The following MAGI1 variants were observed in gnomAD, a reference collection of about 807,000 sequenced individuals.
The protein encoded by MAGI1 is membrane associated guanylate kinase, WW and PDZ domain containing 1.
A neutral mutation model predicts 139.9 loss-of-function variants in MAGI1; 58 were observed. The ratio of observed to expected loss-of-function variants is 0.41; its 90% CI spans 0.34 to 0.52. MAGI1 has a LOEUF of 0.52. Among genes scored for constraint, MAGI1 ranks in the 20% least tolerant of loss-of-function variants. MAGI1 has a pLI of 0.12. For missense variants in MAGI1, 1,874 were observed against 1,901.6 expected (o/e 0.99, Z 0.27); for synonymous variants, 812 against 737.9 (o/e 1.10, Z -1.63).
intron 1 of MAGI1, among the ~76,000 whole-genome samples, chr3:65,723,637 G>A (rs566027388): frequency 1.1e-4 from 16 of 152,280 alleles, no homozygotes; most frequent in African/African-American, 3.9e-4. Context: ...AACATCAGTC[G>A]ACACAGATAA....
At chr3:66,028,050 A>G (rs932138587) in intron 1 of MAGI1, among the ~76,000 whole-genome samples, 2 of 152,192 alleles carry the variant, frequency 1.3e-5, no homozygotes, top group African/African-American at 4.8e-5. Context: ...CATGCCTGTA[A>G]TCCCAGCACT....
chr3:65,542,633 A>T (rs1159075535), intron 2 of MAGI1, among the ~76,000 whole-genome samples: 1 of 152,156 alleles, frequency 6.6e-6, no homozygotes. Context: ...GACAAACCTG[A>T]CAAAAACACA....
chr3:65,819,568 A>G (rs980343524), intron 1 of MAGI1, among the ~76,000 whole-genome samples: 2 of 151,928 alleles, frequency 1.3e-5, no homozygotes, highest in African/African-American at 4.8e-5. Flanking sequence ...AATCCACCCC[A>G]GCATTAAGGC....
In MAGI1 at chr3:65,637,243, A is replaced by G. The variant is rs191273273; in HGVS notation, c.314-15155T>C. On this transcript the variant is annotated intron_variant, in intron 1 of 22. Transcript: ENST00000402939. ...CTTTCTTATTTTTCTTTTAGAGCAA[A>G]GAGCATATTAGAAAAAAAAATATTG... 7.2e-5 allele frequency among the ~76,000 whole-genome samples: 11 copies of G among 152,200 alleles called. No individual in the cohort carries two copies. The East Asian group carries it at 1.7e-3, about 24-fold the overall frequency.
At chr3:65,361,776 T>C (rs964535640) in intron 21 of MAGI1, among the ~76,000 whole-genome samples, 2 of 152,330 alleles carry the variant, frequency 1.3e-5, no homozygotes, top group African/African-American at 4.8e-5. Context: ...ACTTGCCCTC[T>C]TTTCTTCTCT....
intron 9 of MAGI1, among the ~76,000 whole-genome samples, chr3:65,439,441 A>C (rs1948084119): frequency 6.6e-6 from 1 of 152,110 alleles, no homozygotes; most frequent in Admixed American, 6.5e-5. Flanking sequence ...TTAGTCTGTA[A>C]TTTTTAAAAG....
intron 1 of MAGI1, among the ~76,000 whole-genome samples, chr3:66,029,058 T>G (rs2068456776): frequency 6.6e-6 from 1 of 152,164 alleles, no homozygotes; most frequent in Non-Finnish European, 1.5e-5. Context: ...GGTATCATTA[T>G]TATCCCCATT....
chr3:65,915,326 C>A (rs570372767), intron 1 of MAGI1, among the ~76,000 whole-genome samples: 1 of 152,186 alleles, frequency 6.6e-6, no homozygotes, highest in African/African-American at 2.4e-5. Context: ...AAGCATAAAT[C>A]CAAACACCAA....
intron 1 of MAGI1, among the ~76,000 whole-genome samples, chr3:65,681,586 T>C (rs2087594877): frequency 6.6e-6 from 1 of 152,224 alleles, no homozygotes; most frequent in Non-Finnish European, 1.5e-5. Flanking sequence ...AGATAACCCC[T>C]GAAAACTTTC....
At chr3:65,985,659 T>C (rs775952405) in intron 1 of MAGI1, among the ~76,000 whole-genome samples, 14 of 152,346 alleles carry the variant, frequency 9.2e-5, no homozygotes, top group Non-Finnish European at 1.0e-4. Flanking sequence ...CAGTATTTGA[T>C]GGTTTATTTA....
At chr3:65,374,449 C>T (rs1387983526) in intron 18 of MAGI1, among the ~76,000 whole-genome samples, 1 of 151,322 alleles carries the variant, frequency 6.6e-6, no homozygotes, top group African/African-American at 2.4e-5. Flanking sequence ...TCCCAAGTAG[C>T]TGGGACTACA....
intron 13 of MAGI1, among the ~76,000 whole-genome samples, chr3:65,395,192 C>A (rs1944283061): frequency 6.6e-6 from 1 of 152,082 alleles, no homozygotes; most frequent in Non-Finnish European, 1.5e-5. Flanking sequence ...ATAGATGGTA[C>A]CTGAGCTCTT....
At chr3:65,866,507 A>C (rs185409395) in intron 1 of MAGI1, among the ~76,000 whole-genome samples, 2 of 152,280 alleles carry the variant, frequency 1.3e-5, no homozygotes, top group Admixed American at 1.3e-4. Context: ...ACGACTATTC[A>C]TAATCCCTCC....
intron 1 of MAGI1, among the ~76,000 whole-genome samples, chr3:65,796,050 C>CAAAAAAAAAAAA (rs35663778): frequency 1.9e-5 from 2 of 103,028 alleles, no homozygotes; most frequent in East Asian, 2.6e-4. Context: ...GACTCTGTCT[C>CAAAAAAAAAAAA]AAAAAAAAAA....
At chr3:65,826,002 T>C (rs918601310) in intron 1 of MAGI1, among the ~76,000 whole-genome samples, 8 of 151,964 alleles carry the variant, frequency 5.3e-5, no homozygotes, top group Non-Finnish European at 1.0e-4. Flanking sequence ...ATAATAATAA[T>C]AAAATTTTTG....
intron 1 of MAGI1, among the ~76,000 whole-genome samples, chr3:65,651,319 T>C (rs961121478): frequency 3.9e-5 from 6 of 152,142 alleles, no homozygotes; most frequent in Non-Finnish European, 7.4e-5. Flanking sequence ...CTCCAGATAA[T>C]TATCTTTTGA....
chr3:65,900,092 CA>C (rs61497226), intron 1 of MAGI1, among the ~76,000 whole-genome samples: 54 of 140,156 alleles, frequency 3.9e-4, no homozygotes, highest in South Asian at 6.8e-4. Flanking sequence ...TACCTGGACC[CA>C]AAAAAAAAAA....
chr3:65,583,112 T>C (rs2081513746), intron 2 of MAGI1, among the ~76,000 whole-genome samples: 1 of 152,192 alleles, frequency 6.6e-6, no homozygotes. Flanking sequence ...TCTCTCATAC[T>C]AAGTCTTCAA....
chr3:65,884,835 A>G (rs1038187924), intron 1 of MAGI1, among the ~76,000 whole-genome samples: 1 of 152,210 alleles, frequency 6.6e-6, no homozygotes, highest in African/African-American at 2.4e-5. Context: ...GTTTTCTGTT[A>G]GAGGAACAGA....
Sources: allele counts gnomAD v4.1 joint callset (sites outside exome capture counted in the v4.1 genomes callset), GRCh38; gene constraint gnomAD v4.1.1; transcripts MANE v1.5; gene names NCBI Gene and HGNC (gene_info 2026-07-23, HGNC 2026-07-21).